Variants in CAMTA1 observed in about 807,000 individuals in gnomAD.
CAMTA1 encodes the protein calmodulin-binding transcription activator 1.
A neutral mutation model predicts 170.9 loss-of-function variants in CAMTA1; 27 were observed. That is an observed-to-expected ratio of 0.16 (90% confidence interval 0.12 to 0.22). The LOEUF (loss-of-function observed/expected upper bound fraction) is 0.22, where lower values mean the gene tolerates loss of function less well. CAMTA1 is among the 10% of genes least tolerant of loss of function. The probability of loss-of-function intolerance (pLI) is 1.00; values close to 1 mark genes in which losing one functional copy is unlikely to be tolerated. For synonymous variants in CAMTA1, 833 were observed against 891.5 expected (o/e 0.93, Z 1.17); for missense variants, 1,619 against 2,217.2 (o/e 0.73, Z 5.42).
intron 3 of CAMTA1, among the ~76,000 whole-genome samples, chr1:6,833,927 G>GT (rs1355581393): frequency 6.6e-6 from 1 of 152,176 alleles, no homozygotes; most frequent in Non-Finnish European, 1.5e-5. Flanking sequence ...CTTGGAAAGG[G>GT]TGCAGAGCTG....
At position 7,236,315 on chromosome 1, in the gene CAMTA1, ACG is replaced by A. The variant is rs149447148; in HGVS notation, c.303-13175_303-13174del. Among the ~76,000 whole-genome samples the A allele has an allele frequency of 2.3e-3, 349 of 152,316 alleles. 1 individual carries two copies. The highest frequency in any genetic ancestry group is 4.2e-3 in the Non-Finnish European group (289 of 68,032). ...TGCGAGGGAGAGATAAGCAGAGGAG[ACG>A]TTCCTTCATCGCACTTTTTCCCTCC... is the stretch of plus-strand genomic sequence containing the variant. On this transcript the variant is annotated intron_variant, in intron 4 of 22. Coordinates refer to ENST00000303635, the MANE Select transcript of CAMTA1 (RefSeq NM_015215.4).
At chr1:7,430,823 A>G (rs1196124505) in intron 5 of CAMTA1, among the ~76,000 whole-genome samples, 6 of 152,230 alleles carry the variant, frequency 3.9e-5, no homozygotes, top group Non-Finnish European at 7.3e-5. Context: ...TGCACTTCCA[A>G]GGCTCGCCAT....
At chr1:7,394,882 C>CTTTT (rs56830110) in intron 5 of CAMTA1, among the ~76,000 whole-genome samples, 2 of 136,764 alleles carry the variant, frequency 1.5e-5, no homozygotes, top group Non-Finnish European at 3.1e-5. Context: ...CTTTTTTTTT[C>CTTTT]TTTTTTTTTT....
chr1:7,573,003 T>G (rs1205363266), intron 6 of CAMTA1, among the ~76,000 whole-genome samples: 1 of 152,230 alleles, frequency 6.6e-6, no homozygotes, highest in African/African-American at 2.4e-5. Flanking sequence ...CAAAGCCTTA[T>G]GCCTGGCCTG....
intron 11 of CAMTA1, among the ~76,000 whole-genome samples, chr1:7,727,432 A>AT (rs1362670981): frequency 1.3e-5 from 2 of 152,146 alleles, no homozygotes; most frequent in African/African-American, 4.8e-5. Flanking sequence ...TCTGCTTTGT[A>AT]TTAATTTAAA....
chr1:7,623,669 T>C (rs762698535), intron 6 of CAMTA1, among the ~76,000 whole-genome samples: 1 of 152,258 alleles, frequency 6.6e-6, no homozygotes, highest in Non-Finnish European at 1.5e-5. Flanking sequence ...CAGCTAATTC[T>C]GTATTTTCAG....
At chr1:7,274,788 A>T (rs1268406568) in intron 5 of CAMTA1, among the ~76,000 whole-genome samples, 1 of 152,172 alleles carries the variant, frequency 6.6e-6, no homozygotes, top group Non-Finnish European at 1.5e-5. Flanking sequence ...AAAATTCCCA[A>T]ATATGTGGAA....
chr1:7,734,287 T>C (rs1445181872), intron 12 of CAMTA1, among the ~76,000 whole-genome samples: 2 of 152,204 alleles, frequency 1.3e-5, no homozygotes, highest in Non-Finnish European at 2.9e-5. Context: ...CATTGTTTAA[T>C]TTACCTCATG....
In CAMTA1 at chr1:7,278,617, G is replaced by A. The variant is rs557284804; in HGVS notation, c.438+28991G>A. Among the ~76,000 whole-genome samples the A allele has an allele frequency of 2.6e-5, 4 of 152,264 alleles. No individual in the cohort carries two copies. The East Asian group carries it at 7.7e-4, about 29-fold the overall frequency. ...ACAGATCCGTGGATCAAATGCCAGG[G>A]TCCAGCTCTTTCTCTAAGTCCAATC... On this transcript the variant is annotated intron_variant, in intron 5 of 22. Coordinates refer to ENST00000303635, the MANE Select transcript of CAMTA1 (RefSeq NM_015215.4).
At chr1:7,617,350 C>T (rs554250625) in intron 6 of CAMTA1, among the ~76,000 whole-genome samples, 61 of 152,242 alleles carry the variant, frequency 4.0e-4, no homozygotes, top group Non-Finnish European at 8.5e-4. Flanking sequence ...CAGCTGAGAC[C>T]GGAGGAGGAC....
chr1:7,103,889 A>T (rs1374046648), intron 4 of CAMTA1, among the ~76,000 whole-genome samples: 1 of 150,156 alleles, frequency 6.7e-6, no homozygotes, highest in Non-Finnish European at 1.5e-5. Context: ...ACACATGTAC[A>T]CACAACACAC....
chr1:7,495,248 A>T (rs2093808162), intron 6 of CAMTA1, among the ~76,000 whole-genome samples: 1 of 152,142 alleles, frequency 6.6e-6, no homozygotes, highest in African/African-American at 2.4e-5. Flanking sequence ...TAAACTACAA[A>T]CCATTATTTA....
intron 5 of CAMTA1, among the ~76,000 whole-genome samples, chr1:7,423,868 A>G (rs1213558065): frequency 6.6e-6 from 1 of 152,190 alleles, no homozygotes; most frequent in Non-Finnish European, 1.5e-5. Flanking sequence ...AAAGCAAGGT[A>G]CGGGGCGAGA....
intron 3 of CAMTA1, among the ~76,000 whole-genome samples, chr1:6,946,188 C>CTTTTT (rs58150091): frequency 6.9e-6 from 1 of 145,506 alleles, no homozygotes; most frequent in Non-Finnish European, 1.5e-5. Flanking sequence ...TCTTTCTCTT[C>CTTTTT]TTTTTTTTTT....
intron 3 of CAMTA1, among the ~76,000 whole-genome samples, chr1:7,057,096 G>A (rs1204879562): frequency 1.3e-5 from 2 of 152,204 alleles, no homozygotes; most frequent in Non-Finnish European, 2.9e-5. Flanking sequence ...GAGAGAGACC[G>A]AGCCCCTGGC....
In CAMTA1 at chr1:7,547,196, T is replaced by C. The variant is rs2094705338; in HGVS notation, c.510+79295T>C. ...TTCTGAACAAGATGTTCCAGGCATATCTTGTACTTTCCTGAAATCAACCAT... is the reference window on the plus strand; with the variant it reads ...TTCTGAACAAGATGTTCCAGGCATACCTTGTACTTTCCTGAAATCAACCAT... On this transcript the variant is annotated intron_variant, in intron 6 of 22. Coordinates refer to ENST00000303635, the MANE Select transcript of CAMTA1 (RefSeq NM_015215.4). This position sits in a 1 kb window ranked among gnomAD's most constrained non-coding sequence, Gnocchi z 5.7. Among the ~76,000 whole-genome samples the C allele has an allele frequency of 6.6e-6, 1 of 152,190 alleles. No homozygotes were observed. The highest frequency in any genetic ancestry group is 1.5e-5 in the Non-Finnish European group (1 of 68,040).
At chr1:7,500,360 T>C in intron 6 of CAMTA1, among the ~76,000 whole-genome samples, 1 of 151,794 alleles carries the variant, frequency 6.6e-6, no homozygotes, top group South Asian at 2.1e-4. Context: ...TGTGCGTGTG[T>C]ATGTATATGA....
chr1:7,232,795 C>T (rs930485125), intron 4 of CAMTA1, among the ~76,000 whole-genome samples: 4 of 152,186 alleles, frequency 2.6e-5, no homozygotes, highest in Admixed American at 6.5e-5. Context: ...GGTTCCCCTA[C>T]ATTTGATTTG....
chr1:7,292,809 C>G (rs1673340306), intron 5 of CAMTA1, among the ~76,000 whole-genome samples: 1 of 152,162 alleles, frequency 6.6e-6, no homozygotes, highest in Admixed American at 6.5e-5. Context: ...TTCTTATTGC[C>G]CTTCATGGGC....
Sources: allele counts gnomAD v4.1 joint callset (sites outside exome capture counted in the v4.1 genomes callset), GRCh38; gene constraint gnomAD v4.1.1; non-coding constraint Gnocchi (gnomAD v3.1); transcripts MANE v1.5; gene names NCBI Gene and HGNC (gene_info 2026-07-23, HGNC 2026-07-21).